The following WWOX variants were observed in gnomAD, a reference collection of about 807,000 sequenced individuals.
WWOX encodes the protein WW domain-containing oxidoreductase.
In WWOX, 69 loss-of-function variants were observed where a neutral mutation model predicts 46.2. The ratio of observed to expected loss-of-function variants is 1.49; its 90% CI spans 1.23 to 1.82. WWOX has a LOEUF of 1.82. Ranked by LOEUF, WWOX falls within the 40% of genes most tolerant of loss-of-function variation. The pLI, the probability that WWOX is intolerant of heterozygous loss-of-function variation, is 0.00. For synonymous variants in WWOX, 359 were observed against 202.6 expected, an observed-to-expected ratio of 1.77 and a Z score of -6.56; for missense variants, 919 against 542.6, an observed-to-expected ratio of 1.69 and a Z score of -6.89.
intron 8 of WWOX, among the ~76,000 whole-genome samples, chr16:78,784,566 A>G (rs1353025066): frequency 6.6e-6 from 1 of 152,142 alleles, no homozygotes; most frequent in Non-Finnish European, 1.5e-5. Context: ...CAAAGGGGGA[A>G]TTGATAATAG....
intron 5 of WWOX, among the ~76,000 whole-genome samples, chr16:78,184,933 G>A (rs2035648681): frequency 6.6e-6 from 1 of 152,228 alleles, no homozygotes; most frequent in African/African-American, 2.4e-5. Context: ...TGCTCAAACT[G>A]TATTTTCATC....
intron 5 of WWOX, among the ~76,000 whole-genome samples, chr16:78,171,237 G>A (rs1014534330): frequency 2.0e-5 from 3 of 152,100 alleles, no homozygotes; most frequent in Non-Finnish European, 4.4e-5. Flanking sequence ...TGTTTTCATG[G>A]CATGATATTA....
chr16:79,061,570 C>T (rs1029932469), intron 8 of WWOX, among the ~76,000 whole-genome samples: 1 of 152,126 alleles, frequency 6.6e-6, no homozygotes, highest in African/African-American at 2.4e-5. Flanking sequence ...TAGAAAGTAA[C>T]ACTCAGAGAC....
intron 5 of WWOX, among the ~76,000 whole-genome samples, chr16:78,382,483 A>G (rs2081975438): frequency 6.6e-6 from 1 of 152,160 alleles, no homozygotes; most frequent in South Asian, 2.1e-4. Context: ...GGGTTATTCT[A>G]ATTAATGGAG....
At chr16:78,433,665 A>T (rs1411562733) in intron 8 of WWOX, among the ~76,000 whole-genome samples, 1 of 152,010 alleles carries the variant, frequency 6.6e-6, no homozygotes, top group Non-Finnish European at 1.5e-5. Flanking sequence ...CAAAAGAAGA[A>T]CTATTGCAGG....
rs2034114838 is a variant in WWOX, at chr16:78,144,471, A to ATATATATATATACG, written c.410-19700_410-19699insCGTATATATATATA. ...TACACATATATATATATACACACAT[A>ATATATATATATACG]TATATATATATATATACACACACAC... On this transcript the variant is annotated intron_variant, in intron 4 of 8. Transcript: ENST00000566780. Among the ~76,000 whole-genome samples the ATATATATATATACG allele has an allele frequency of 6.0e-4, 20 of 33,582 alleles. 1 individual carries two copies. Among genetic ancestry groups the ATATATATATATACG allele is most frequent in the African/African-American group, 1.9e-3 (12 of 6,242 alleles). 22.0% of individuals were successfully genotyped at this position (33,582 alleles called of 152,430 possible).
At chr16:79,138,721 C>G (rs2050030691) in intron 8 of WWOX, among the ~76,000 whole-genome samples, 1 of 152,210 alleles carries the variant, frequency 6.6e-6, no homozygotes, top group African/African-American at 2.4e-5. Context: ...TTAGATGTCT[C>G]TGCCCTGCTG....
At chr16:78,632,622 G>A (rs1026319811) in intron 8 of WWOX, among the ~76,000 whole-genome samples, 8 of 133,942 alleles carry the variant, frequency 6.0e-5, no homozygotes, top group East Asian at 2.3e-4. Context: ...GCAATGGTGC[G>A]ATCTCAGCTC....
intron 8 of WWOX, chr16:78,552,937 C>T (rs1488129914): frequency 6.6e-6 from 1 of 152,196 alleles, no homozygotes; most frequent in Non-Finnish European, 1.5e-5. Context: ...TGGGAAAGCC[C>T]CAGGGTTGGG....
intron 6 of WWOX, among the ~76,000 whole-genome samples, chr16:78,396,245 C>A (rs985658044): frequency 6.6e-6 from 1 of 151,896 alleles, no homozygotes; most frequent in Non-Finnish European, 1.5e-5. Context: ...AAAAACCTGC[C>A]CCTGGTGGAG....
intron 6 of WWOX, among the ~76,000 whole-genome samples, chr16:78,409,005 T>A (rs1306783984): frequency 6.6e-6 from 1 of 152,212 alleles, no homozygotes; most frequent in Non-Finnish European, 1.5e-5. Context: ...GCATCTTACC[T>A]ACCTCTGATT....
rs550164719 is a variant in WWOX at position 78,600,209 on chromosome 16, G to A, written c.1056+167457G>A. Among the ~76,000 whole-genome samples, 6 of 152,128 alleles carry A rather than the reference G, an allele frequency of 3.9e-5. No homozygotes were observed. In the East Asian group the frequency reaches 7.8e-4, roughly 20 times the overall value. On this transcript the variant is annotated intron_variant, in intron 8 of 8. Transcript: ENST00000566780. ...CATGATTCAGTTACGTTCCACCGGG[G>A]CCCTCCCACAACACATGGGAATTGT...
intron 8 of WWOX, among the ~76,000 whole-genome samples, chr16:78,563,381 G>C (rs1173533678): frequency 6.6e-6 from 1 of 151,886 alleles, no homozygotes; most frequent in Non-Finnish European, 1.5e-5. Context: ...GTATGGGGTG[G>C]TTCAGGAACA....
chr16:78,664,279 C>G (rs1392910084), intron 8 of WWOX, among the ~76,000 whole-genome samples: 1 of 152,184 alleles, frequency 6.6e-6, no homozygotes, highest in African/African-American at 2.4e-5. Context: ...CCACAAGCCC[C>G]TAACTCTTCA....
intron 8 of WWOX, among the ~76,000 whole-genome samples, chr16:79,173,561 A>C (rs2050742275): frequency 6.6e-6 from 1 of 152,130 alleles, no homozygotes; most frequent in Non-Finnish European, 1.5e-5. Flanking sequence ...AAGAGACTGT[A>C]GCTCACAACA....
chr16:78,916,011 T>G (rs1385539619), intron 8 of WWOX, among the ~76,000 whole-genome samples: 5 of 152,172 alleles, frequency 3.3e-5, no homozygotes, highest in Non-Finnish European at 2.9e-5. Context: ...TGTTTTGAAC[T>G]CTAATTAGGG....
At chr16:78,752,887 C>T (rs1271697927) in intron 8 of WWOX, among the ~76,000 whole-genome samples, 1 of 152,210 alleles carries the variant, frequency 6.6e-6, no homozygotes, top group Non-Finnish European at 1.5e-5. Flanking sequence ...TGTCCTGGTC[C>T]CATCTTGGCT....
At chr16:78,929,027 T>G (rs1341165731) in intron 8 of WWOX, among the ~76,000 whole-genome samples, 1 of 152,216 alleles carries the variant, frequency 6.6e-6, no homozygotes, top group Non-Finnish European at 1.5e-5. Context: ...TATAGTTACA[T>G]TAGATTTTTA....
intron 8 of WWOX, among the ~76,000 whole-genome samples, chr16:78,489,864 T>C (rs1297963270): frequency 6.6e-6 from 1 of 152,142 alleles, no homozygotes; most frequent in Non-Finnish European, 1.5e-5. Context: ...CTGGTATGGG[T>C]AACAGTTGTG....
Sources: gnomAD v4.1 joint callset for allele counts (sites outside exome capture counted in the v4.1 genomes callset) on GRCh38, gnomAD v4.1.1 for gene constraint, MANE v1.5 for transcripts, NCBI Gene and HGNC (gene_info 2026-07-23, HGNC 2026-07-21) for gene names.